Variants in RALGAPA1 observed in about 807,000 individuals in gnomAD.
RALGAPA1 encodes the protein Ral GTPase activating protein catalytic subunit alpha 1.
Under a neutral mutation model 269.6 loss-of-function variants are expected in RALGAPA1, and 52 were observed. That is an observed-to-expected ratio of 0.19 (90% CI 0.15 to 0.24). RALGAPA1 has a LOEUF of 0.24. Among genes scored for constraint, RALGAPA1 ranks in the 10% least tolerant of loss-of-function variants. RALGAPA1 has a pLI of 1.00. For missense variants in RALGAPA1, 1,917 were observed against 3,013.9 expected, an observed-to-expected ratio of 0.64 and a Z score of 8.52; for synonymous variants, 817 against 1,008.3, an observed-to-expected ratio of 0.81 and a Z score of 3.60.
intron 31 of RALGAPA1, among the ~76,000 whole-genome samples, chr14:35,651,137 G>A (rs2062804326): frequency 1.3e-5 from 2 of 152,006 alleles, no homozygotes; most frequent in Admixed American, 6.5e-5. Context: ...AAACTCAATA[G>A]AAACGGAGTT....
chr14:35,779,931 G>C (rs2075318376), intron 1 of RALGAPA1, among the ~76,000 whole-genome samples: 1 of 152,106 alleles, frequency 6.6e-6, no homozygotes, highest in African/African-American at 2.4e-5. Context: ...AGACCATCCT[G>C]GCCAACATGG....
chr14:35,761,144 G>A, intron 5 of RALGAPA1, 138 bp from the exon 6 acceptor site: 2 of 558,944 alleles, frequency 3.6e-6, no homozygotes, highest in Non-Finnish European at 6.1e-6. Context: ...GGAAGTTGAG[G>A]AGAAGAGAGA....
intron 21 of RALGAPA1, among the ~76,000 whole-genome samples, chr14:35,679,393 T>C (rs897692448): frequency 6.6e-6 from 1 of 152,208 alleles, no homozygotes; most frequent in African/African-American, 2.4e-5. Flanking sequence ...AAATTGAAAA[T>C]ATGGTAAGTC....
intron 4 of RALGAPA1, chr14:35,766,196 C>T: frequency 1.2e-6 from 1 of 831,094 alleles, no homozygotes; most frequent in Non-Finnish European, 2.1e-6. Flanking sequence ...ATCATGGTCT[C>T]ATTTCCCTGG....
intron 39 of RALGAPA1, among the ~76,000 whole-genome samples, chr14:35,557,895 T>C (rs964409369): frequency 1.3e-5 from 2 of 152,208 alleles, no homozygotes; most frequent in African/African-American, 4.8e-5. Context: ...TGCAATATAA[T>C]TTAGTCAACT....
chr14:35,616,666 A>G (rs1482121447), intron 35 of RALGAPA1, among the ~76,000 whole-genome samples: 1 of 152,220 alleles, frequency 6.6e-6, no homozygotes, highest in Non-Finnish European at 1.5e-5. Context: ...CTTTCCTATC[A>G]GTTCTTTTGT....
At chr14:35,774,029 T>A (rs1420478329) in intron 3 of RALGAPA1, among the ~76,000 whole-genome samples, 1 of 152,150 alleles carries the variant, frequency 6.6e-6, no homozygotes, top group Non-Finnish European at 1.5e-5. Context: ...TCCTCCCACC[T>A]CAGCCTCCTG....
intron 13 of RALGAPA1, among the ~76,000 whole-genome samples, 193 bp downstream of exon 13, chr14:35,728,169 C>A (rs1044324964): frequency 1.3e-5 from 2 of 152,134 alleles, no homozygotes; most frequent in African/African-American, 4.8e-5. Context: ...AGGGGTCTTG[C>A]GGAAGTCCGA....
intron 32 of RALGAPA1, 53 bp from the exon 33 acceptor site, chr14:35,634,810 T>C (rs1366399225): frequency 2.1e-6 from 3 of 1,439,356 alleles, no homozygotes; most frequent in Non-Finnish European, 2.8e-6. Flanking sequence ...AATAAATAAA[T>C]AAAAGTTAAA....
At chr14:35,593,342 CA>C (rs2058744871) in intron 37 of RALGAPA1, among the ~76,000 whole-genome samples, 1 of 151,894 alleles carries the variant, frequency 6.6e-6, no homozygotes, top group African/African-American at 2.4e-5. Context: ...ATTTAAAACA[CA>C]ATGAAATGGA....
intron 14 of RALGAPA1, chr14:35,723,472 C>CA: frequency 2.5e-6 from 1 of 399,498 alleles, no homozygotes; most frequent in East Asian, 3.8e-5. Context: ...CAACTCCCAA[C>CA]ACCCAGCAAT....
rs188812277 is a variant in RALGAPA1, at chr14:35,694,270, C to T, written c.2408-4267G>A. 2.7e-4 allele frequency among the ~76,000 whole-genome samples: 41 copies of T among 152,212 alleles called. 1 individual carries two copies. Among genetic ancestry groups the T allele is most frequent in the African/African-American group, 8.4e-4 (35 of 41,538 alleles). ...TTTACTGGTCAAGCACGAACGTTAGCTATCAGTAATATTTTTATGGTCCCT... is the reference window on the plus strand; with the variant it reads ...TTTACTGGTCAAGCACGAACGTTAGTTATCAGTAATATTTTTATGGTCCCT... On this transcript the variant is annotated intron_variant, in intron 17 of 41. Transcript: ENST00000680220.
Position 35,728,509 on chromosome 14 carries a change from A to C in RALGAPA1, c.1589T>G (p.Val530Gly), listed in dbSNP as rs1282282260. Residue 530 changes from valine to glycine, a missense_variant and splice_region_variant, in exon 13 of 42, where the codon GTG (valine) becomes GGG (glycine). By Grantham distance (109) the Val-to-Gly change is moderately radical (BLOSUM62 -3). This residue lies in a region of RALGAPA1 where 462 missense variants were observed against 725.6 expected (regional missense o/e 0.64). Coordinates refer to ENST00000680220, the MANE Select transcript of RALGAPA1 (RefSeq NM_001346249.2). ...TATATTTGATGAGTTTATAATAAAC[A>C]CCTAAGACAAAAGAAATCATTAGCT... ...IRAGTQAVLQ[V>G]FIINSSNIFL... is the part of the protein sequence containing the mutation. 3 of 1,582,696 alleles carry C rather than the reference A, an allele frequency of 1.9e-6. No homozygotes were observed. In the South Asian group the frequency reaches 3.6e-5, roughly 19 times the overall value.
At chr14:35,739,805 A>G (rs968240821) in intron 11 of RALGAPA1, among the ~76,000 whole-genome samples, 1 of 152,126 alleles carries the variant, frequency 6.6e-6, no homozygotes, top group African/African-American at 2.4e-5. Flanking sequence ...TTGCCTACAG[A>G]CTGACCTACA....
In RALGAPA1 at chr14:35,543,953, T is replaced by C. The variant is rs1014503178; in HGVS notation, c.*24-4263A>G. 2.2e-4 allele frequency among the ~76,000 whole-genome samples: 33 copies of C among 152,334 alleles called. 1 individual carries two copies. Among genetic ancestry groups the C allele is most frequent in the Admixed American group, 8.5e-4 (13 of 15,304 alleles). Reference sequence around the variant, plus strand: ...CACCATGCCTGGCCAGGAAATAACATAATTTAAAATAGTAGAGAAATAAAG... The same window carrying C: ...CACCATGCCTGGCCAGGAAATAACACAATTTAAAATAGTAGAGAAATAAAG... On this transcript the variant is annotated intron_variant, in intron 41 of 41. Transcript: ENST00000680220.
chr14:35,684,098 T>C, intron 20 of RALGAPA1, 113 bp from the exon 21 acceptor site: 1 of 733,118 alleles, frequency 1.4e-6, no homozygotes. Context: ...ATCTATTCTG[T>C]TTACATATCA....
At chr14:35,744,411 T>TG (rs1345143214) in intron 10 of RALGAPA1, among the ~76,000 whole-genome samples, 1 of 152,132 alleles carries the variant, frequency 6.6e-6, no homozygotes, top group African/African-American at 2.4e-5. Context: ...TACTTTTTAT[T>TG]TTTTTATGAT....
intron 1 of RALGAPA1, among the ~76,000 whole-genome samples, chr14:35,800,162 C>T (rs569660163): frequency 6.6e-6 from 1 of 152,318 alleles, no homozygotes; most frequent in Admixed American, 6.5e-5. Flanking sequence ...GCCCTCTTCT[C>T]TCAGTACTTG....
chr14:35,562,614 T>C (rs1022195825), intron 39 of RALGAPA1, among the ~76,000 whole-genome samples: 1 of 152,170 alleles, frequency 6.6e-6, no homozygotes, highest in Non-Finnish European at 1.5e-5. Flanking sequence ...TTTTCACTGA[T>C]CCTAGGTTTC....
Sources: gnomAD v4.1 joint callset for allele counts (sites outside exome capture counted in the v4.1 genomes callset) on GRCh38, gnomAD v4.1.1 for gene constraint, gnomAD v4.1.1 regional missense constraint, MANE v1.5 for transcripts, NCBI Gene and HGNC (gene_info 2026-07-23, HGNC 2026-07-21) for gene names.